TOX: variants seen among roughly 807,000 people sequenced by gnomAD.
The protein encoded by TOX is thymocyte selection-associated high mobility group box protein TOX.
TOX carries 11 observed loss-of-function variants against 53.7 expected under a neutral mutation model. The ratio of observed to expected loss-of-function variants is 0.20; its 90% CI spans 0.13 to 0.34. The LOEUF (loss-of-function observed/expected upper bound fraction) is 0.34. Ranked by LOEUF, TOX falls within the 10% of genes least tolerant of loss-of-function variation. The pLI is 1.00. For synonymous variants in TOX, 225 were observed against 245.3 expected, an observed-to-expected ratio of 0.92 and a Z score of 0.77; for missense variants, 570 against 664.6, an observed-to-expected ratio of 0.86 and a Z score of 1.56.
intron 1 of TOX, among the ~76,000 whole-genome samples, chr8:59,004,226 C>T (rs893325848): frequency 3.3e-5 from 5 of 152,200 alleles, no homozygotes; most frequent in African/African-American, 4.8e-5. Context: ...AATAGTCATA[C>T]GGTCTCTGTG....
At chr8:58,885,991 T>A (rs1049909866) in intron 3 of TOX, among the ~76,000 whole-genome samples, 1 of 152,140 alleles carries the variant, frequency 6.6e-6, no homozygotes, top group African/African-American at 2.4e-5. Flanking sequence ...CTGAAGATAA[T>A]TGCAATGTTG....
At chr8:58,815,243 C>T (rs1810153184) in intron 7 of TOX, 95 bp downstream of exon 7, 8 of 1,463,360 alleles carry the variant, frequency 5.5e-6, no homozygotes, top group African/African-American at 2.8e-5. Context: ...AAACACATAT[C>T]CCCAATCCTG....
chr8:59,103,172 C>T (rs530921756), intron 1 of TOX, among the ~76,000 whole-genome samples: 6 of 152,202 alleles, frequency 3.9e-5, no homozygotes, highest in Non-Finnish European at 7.3e-5. Context: ...TGAACCCTAA[C>T]TGAAGTCATC....
intron 1 of TOX, among the ~76,000 whole-genome samples, chr8:59,009,624 C>G (rs1055626183): frequency 6.6e-6 from 1 of 152,080 alleles, no homozygotes; most frequent in Non-Finnish European, 1.5e-5. Context: ...AAGCTCACCA[C>G]GACTCCCAAA....
At chr8:58,998,500 T>C (rs58404649) in intron 1 of TOX, among the ~76,000 whole-genome samples, 11 of 76,610 alleles carry the variant, frequency 1.4e-4, no homozygotes, top group African/African-American at 6.5e-4. Context: ...AAAGTATATA[T>C]ATATATATAT....
At chr8:58,845,533 T>C (rs1004663828) in intron 4 of TOX, among the ~76,000 whole-genome samples, 4 of 152,168 alleles carry the variant, frequency 2.6e-5, no homozygotes, top group Non-Finnish European at 5.9e-5. Flanking sequence ...ACTTCTTTCA[T>C]TTTACAATTG....
chr8:59,068,037 G>C (rs1250332920), intron 1 of TOX, among the ~76,000 whole-genome samples: 1 of 152,162 alleles, frequency 6.6e-6, no homozygotes, highest in African/African-American at 2.4e-5. Flanking sequence ...GACAATAATG[G>C]AGTGAATTTG....
chr8:58,862,722 T>G (rs1291939603), intron 3 of TOX, among the ~76,000 whole-genome samples: 1 of 152,130 alleles, frequency 6.6e-6, no homozygotes, highest in Admixed American at 6.6e-5. Flanking sequence ...GAGCCCAGAA[T>G]GTATCAAGCC....
At chr8:58,958,834 A>T (rs901169396) in intron 2 of TOX, among the ~76,000 whole-genome samples, 1 of 152,162 alleles carries the variant, frequency 6.6e-6, no homozygotes, top group Non-Finnish European at 1.5e-5. Context: ...TCTAAATGCA[A>T]AGTTCAGGGA....
intron 1 of TOX, among the ~76,000 whole-genome samples, chr8:59,069,969 C>T (rs902646502): frequency 2.0e-5 from 3 of 152,242 alleles, no homozygotes; most frequent in African/African-American, 2.4e-5. Context: ...ACCTGTATAG[C>T]GCCCGGTGGG....
chr8:59,049,717 A>T (rs932051251), intron 1 of TOX, among the ~76,000 whole-genome samples: 2 of 152,184 alleles, frequency 1.3e-5, no homozygotes, highest in African/African-American at 4.8e-5. Flanking sequence ...GTTTTCAAAC[A>T]CTCAGGTAGA....
At chr8:58,876,387 C>T (rs1416959335) in intron 3 of TOX, among the ~76,000 whole-genome samples, 2 of 152,064 alleles carry the variant, frequency 1.3e-5, no homozygotes, top group Non-Finnish European at 2.9e-5. Context: ...GCTCCCCAAA[C>T]TCCAAATACT....
chr8:58,956,973 A>G (rs1812719968), intron 2 of TOX, among the ~76,000 whole-genome samples: 1 of 152,216 alleles, frequency 6.6e-6, no homozygotes, highest in Non-Finnish European at 1.5e-5. Context: ...AGACTTGTTC[A>G]TCCTACATAT....
Position 58,959,908 on chromosome 8 carries a change from A to G in TOX, c.168+35T>C, listed in dbSNP as rs1266923857. 3.1e-6 allele frequency: 5 copies of G among 1,611,326 alleles called. No homozygotes were observed. In the African/African-American group the frequency reaches 4.0e-5, roughly 13 times the overall value. On this transcript the variant is annotated intron_variant, in intron 2 of 8. Transcript: ENST00000361421. The stretch of plus-strand genomic sequence containing the variant: ...AACTCTTTGAATTTGTTTAATTACA[A>G]TTTGAAACAAGGCAGAGAAGATTAA...
chr8:58,960,947 G>A (rs1036119398), intron 1 of TOX, among the ~76,000 whole-genome samples: 8 of 152,154 alleles, frequency 5.3e-5, no homozygotes, highest in African/African-American at 1.9e-4. Context: ...TCACAGAGCT[G>A]GGTCTGAATA....
intron 1 of TOX, among the ~76,000 whole-genome samples, chr8:58,965,557 T>A (rs1163150249): frequency 6.6e-6 from 1 of 152,134 alleles, no homozygotes; most frequent in African/African-American, 2.4e-5. Flanking sequence ...TCATTGGCAC[T>A]GGTACAGAAA....
chr8:58,861,291 C>G (rs1200012490), intron 3 of TOX, among the ~76,000 whole-genome samples: 1 of 152,218 alleles, frequency 6.6e-6, no homozygotes, highest in African/African-American at 2.4e-5. Flanking sequence ...GTGGTCCACC[C>G]TCTGATTCCC....
chr8:58,923,124 G>T (rs1416026807), intron 3 of TOX, among the ~76,000 whole-genome samples: 1 of 152,184 alleles, frequency 6.6e-6, no homozygotes, highest in Admixed American at 6.5e-5. Context: ...GGTACAATGA[G>T]GAGTCACTGA....
At chr8:59,029,913 A>G (rs1469663658) in intron 1 of TOX, among the ~76,000 whole-genome samples, 3 of 152,190 alleles carry the variant, frequency 2.0e-5, no homozygotes, top group Middle Eastern at 3.2e-3. Context: ...TTATTTAAAT[A>G]TTAATCAGTC....
Sources: allele counts gnomAD v4.1 joint callset (sites outside exome capture counted in the v4.1 genomes callset), GRCh38; gene constraint gnomAD v4.1.1; transcripts MANE v1.5; gene names NCBI Gene and HGNC (gene_info 2026-07-23, HGNC 2026-07-21).